Variants in PTPRD observed in about 807,000 individuals in gnomAD.
The protein encoded by PTPRD is receptor-type tyrosine-protein phosphatase delta.
A neutral mutation model predicts 214.5 loss-of-function variants in PTPRD; 34 were observed. That is an observed-to-expected ratio of 0.16 (90% confidence interval 0.12 to 0.21). The LOEUF is 0.21. PTPRD is among the 10% of genes least tolerant of loss of function. The pLI is 1.00. For missense variants in PTPRD, 2,545 were observed against 2,398.7 expected (o/e 1.06, Z -1.27); for synonymous variants, 1,128 against 845.7 (o/e 1.33, Z -5.79).
intron 3 of PTPRD, among the ~76,000 whole-genome samples, chr9:10,149,358 T>C (rs897398620): frequency 1.3e-5 from 2 of 152,218 alleles, no homozygotes; most frequent in African/African-American, 4.8e-5. Context: ...TTTCTTGTTT[T>C]GTGTGTACAA....
intron 3 of PTPRD, among the ~76,000 whole-genome samples, chr9:10,129,863 G>C (rs1395379231): frequency 6.6e-6 from 1 of 151,992 alleles, no homozygotes; most frequent in Middle Eastern, 3.4e-3. Flanking sequence ...ACCATCATCA[G>C]AGAAAACATC....
At chr9:9,535,930 T>G (rs570145230) in intron 8 of PTPRD, among the ~76,000 whole-genome samples, 38 of 152,042 alleles carry the variant, frequency 2.5e-4, no homozygotes, top group Non-Finnish European at 5.0e-4. Flanking sequence ...TAAGATTCGC[T>G]ATTTGAATAT....
intron 8 of PTPRD, among the ~76,000 whole-genome samples, chr9:9,445,013 C>T (rs146686383): frequency 6.6e-6 from 1 of 152,006 alleles, no homozygotes; most frequent in Non-Finnish European, 1.5e-5. Flanking sequence ...ATTTCTTGAT[C>T]AAATTTTAAA....
chr9:9,346,884 G>A (rs1172312067), intron 9 of PTPRD, among the ~76,000 whole-genome samples: 1 of 151,908 alleles, frequency 6.6e-6, no homozygotes, highest in African/African-American at 2.4e-5. Flanking sequence ...GTGGAGATAG[G>A]GTTTCACCAT....
rs5896266 is a variant in PTPRD at position 8,851,201 on chromosome 9, G to GAA, written c.-103-117257_-103-117256dup. ...CTTTCTAAGATGCACTACCATTAAA[G>GAA]AAAAAAAAAAAAAGGCACTTATTCT... On this transcript the variant is annotated intron_variant, in intron 11 of 45. Transcript: ENST00000381196. Among the ~76,000 whole-genome samples the GAA allele has an allele frequency of 4.6e-3, 660 of 141,972 alleles. 5 individuals are homozygous for GAA. Among genetic ancestry groups the GAA allele is most frequent in the African/African-American group, 0.013 (498 of 39,324 alleles). 93.1% of individuals were successfully genotyped at this position (141,972 alleles called of 152,430 possible). A position where few individuals can be genotyped will look rare whatever the true frequency, so the allele number is the denominator to read the frequency against.
chr9:8,591,319 T>C (rs537615891), intron 14 of PTPRD, among the ~76,000 whole-genome samples: 1 of 152,272 alleles, frequency 6.6e-6, no homozygotes, highest in East Asian at 1.9e-4. Context: ...CATTATTTGG[T>C]CTACCCACAA....
intron 2 of PTPRD, among the ~76,000 whole-genome samples, chr9:10,412,330 C>A (rs568274063): frequency 6.6e-5 from 10 of 151,742 alleles, no homozygotes; most frequent in African/African-American, 1.9e-4. Context: ...TGGACAAATT[C>A]CTGGACACAC....
chr9:8,622,362 C>T (rs1411724771), intron 14 of PTPRD, among the ~76,000 whole-genome samples: 3 of 151,924 alleles, frequency 2.0e-5, no homozygotes, highest in Admixed American at 6.6e-5. Context: ...GTGTCAAACA[C>T]ATCTTACATT....
At chr9:9,947,847 A>C (rs1238701428) in intron 4 of PTPRD, among the ~76,000 whole-genome samples, 1 of 150,342 alleles carries the variant, frequency 6.7e-6, no homozygotes, top group Non-Finnish European at 1.5e-5. Context: ...TATTTTGTTA[A>C]ATCAGCCATC....
chr9:10,052,629 T>A (rs1253029781), intron 3 of PTPRD, among the ~76,000 whole-genome samples: 1 of 152,196 alleles, frequency 6.6e-6, no homozygotes, highest in Admixed American at 6.5e-5. Flanking sequence ...TATATTTTTT[T>A]ACAGGTGTAA....
At chr9:9,684,793 T>C (rs554338150) in intron 7 of PTPRD, among the ~76,000 whole-genome samples, 1 of 151,600 alleles carries the variant, frequency 6.6e-6, no homozygotes, top group Non-Finnish European at 1.5e-5. Flanking sequence ...GTTTGCGGTC[T>C]TTAGAGCAGT....
chr9:8,731,081 G>A (rs1390075787), intron 12 of PTPRD, among the ~76,000 whole-genome samples: 1 of 152,170 alleles, frequency 6.6e-6, no homozygotes, highest in Non-Finnish European at 1.5e-5. Flanking sequence ...TCCAACCTAG[G>A]TTTGAACCAA....
intron 10 of PTPRD, among the ~76,000 whole-genome samples, chr9:9,175,766 T>C (rs1364234346): frequency 6.6e-6 from 1 of 151,520 alleles, no homozygotes; most frequent in African/African-American, 2.4e-5. Flanking sequence ...CCCAAGTACC[T>C]CTCCCCATGG....
intron 7 of PTPRD, among the ~76,000 whole-genome samples, chr9:9,632,456 G>A (rs2095623840): frequency 6.6e-6 from 1 of 152,108 alleles, no homozygotes; most frequent in Non-Finnish European, 1.5e-5. Flanking sequence ...TAGGGAAGGA[G>A]TATTAAAAAT....
intron 9 of PTPRD, among the ~76,000 whole-genome samples, chr9:9,368,733 C>A (rs577979645): frequency 1.3e-5 from 2 of 151,852 alleles, no homozygotes; most frequent in African/African-American, 4.8e-5. Context: ...GTATTACAAA[C>A]AAATGCTGCA....
chr9:9,177,036 A>G (rs926130395), intron 10 of PTPRD, among the ~76,000 whole-genome samples: 2 of 152,116 alleles, frequency 1.3e-5, no homozygotes, highest in Non-Finnish European at 2.9e-5. Context: ...TCATACTGCT[A>G]TAAAGAACTG....
chr9:9,140,580 T>C (rs1346922338), intron 10 of PTPRD, among the ~76,000 whole-genome samples: 1 of 152,184 alleles, frequency 6.6e-6, no homozygotes, highest in South Asian at 2.1e-4. Context: ...CAGTGCTACA[T>C]CTTTTTTTAT....
At chr9:8,670,846 G>A (rs2097269088) in intron 12 of PTPRD, among the ~76,000 whole-genome samples, 1 of 152,184 alleles carries the variant, frequency 6.6e-6, no homozygotes, top group South Asian at 2.1e-4. Flanking sequence ...CCCAGTAAAA[G>A]CACATTTCTT....
At chr9:9,514,814 C>T (rs1489247555) in intron 8 of PTPRD, among the ~76,000 whole-genome samples, 1 of 152,016 alleles carries the variant, frequency 6.6e-6, no homozygotes, top group Admixed American at 6.6e-5. Context: ...GCCTTTGCAG[C>T]ACCGTAAAAA....
Sources: gnomAD v4.1 joint callset for allele counts (sites outside exome capture counted in the v4.1 genomes callset) on GRCh38, gnomAD v4.1.1 for gene constraint, MANE v1.5 for transcripts, NCBI Gene and HGNC (gene_info 2026-07-23, HGNC 2026-07-21) for gene names.